Variants in SGO2 observed in about 807,000 individuals in gnomAD.
The protein encoded by SGO2 is shugoshin-like 2.
SGO2 carries 68 observed loss-of-function variants against 99.5 expected under a neutral mutation model. That is an observed-to-expected ratio of 0.68 (90% CI 0.56 to 0.84). The LOEUF (loss-of-function observed/expected upper bound fraction) is 0.84. Among genes scored for constraint, SGO2 ranks in the 40% least tolerant of loss-of-function variants. SGO2 has a pLI of 0.00. For missense variants in SGO2, 1,350 were observed against 1,436.7 expected (o/e 0.94, Z 0.97); for synonymous variants, 457 against 487.1 (o/e 0.94, Z 0.81).
intron 1 of SGO2, chr2:200,532,272 GT>G (rs58961852): frequency 0.49 from 92,133 of 187,516 alleles, 24,995 homozygotes; most frequent in Admixed American, 0.54. Flanking sequence ...AGAGTTTTTT[GT>G]TTTTTTTTTT....
chr2:200,528,128 G>A (rs1044743705), intron 1 of SGO2, among the ~76,000 whole-genome samples: 1 of 152,228 alleles, frequency 6.6e-6, no homozygotes, highest in African/African-American at 2.4e-5. Flanking sequence ...GATTAATTGG[G>A]GAAGAGAAGT....
In SGO2 at chr2:200,557,967, G is replaced by A. The variant is rs1340521180; in HGVS notation, c.474-11696G>A. 5.3e-5 allele frequency among the ~76,000 whole-genome samples: 8 copies of A among 150,960 alleles called. No individual in the cohort carries two copies. In the East Asian group the frequency reaches 9.8e-4, roughly 18 times the overall value. On this transcript the variant is annotated intron_variant, in intron 5 of 8. Coordinates refer to ENST00000357799, the MANE Select transcript of SGO2 (RefSeq NM_152524.6). Reference sequence around the variant, plus strand: ...CAACCTCTGCCTCCTGGGTTCAAGCGATTCTCCTGCCTCAGCCTCCTGAGT... The same window carrying A: ...CAACCTCTGCCTCCTGGGTTCAAGCAATTCTCCTGCCTCAGCCTCCTGAGT...
At chr2:200,541,344 G>A (rs1449260784) in intron 4 of SGO2, among the ~76,000 whole-genome samples, 1 of 152,092 alleles carries the variant, frequency 6.6e-6, no homozygotes, top group Non-Finnish European at 1.5e-5. Flanking sequence ...AGGCAACCAG[G>A]GACCTACCTC....
intron 4 of SGO2, among the ~76,000 whole-genome samples, chr2:200,539,971 C>T (rs842938): frequency 0.47 from 71,565 of 150,742 alleles, 16,916 homozygotes; most frequent in South Asian, 0.53. Context: ...GATTTCTTTC[C>T]CCCCTTTTTT....
chr2:200,569,962 G>T, intron 6 of SGO2, 70 bp downstream of exon 6: 1 of 1,018,462 alleles, frequency 9.8e-7, no homozygotes, highest in Non-Finnish European at 1.5e-6. Context: ...CTTCCTGAGG[G>T]CAATTATGTA....
Position 200,573,714 on chromosome 2 carries a change from A to G in SGO2, c.3368A>G (p.Lys1123Arg). The G allele has an allele frequency of 6.2e-7, 1 of 1,612,728 alleles. No individual in the cohort carries two copies. Among genetic ancestry groups the G allele is most frequent in the South Asian group, 1.1e-5 (1 of 90,768 alleles). The change falls in exon 7 of 9, where the codon AAA becomes AGA. Residue 1123 changes from lysine (K) to arginine (R), a missense_variant. Transcript: ENST00000357799. ...AAGGAAAACAATTTGGAGAATGAGA[A>G]AATGGTCAAAAATAAGCCAGACTTT... is the stretch of plus-strand genomic sequence containing the variant. ...ADKENNLENE[K>R]MVKNKPDFYT...
chr2:200,566,770 C>T (rs533596742), intron 5 of SGO2, among the ~76,000 whole-genome samples: 24 of 152,330 alleles, frequency 1.6e-4, no homozygotes, highest in South Asian at 6.2e-4. Context: ...TCAGCAATGG[C>T]GGGCACCCGT....
intron 8 of SGO2, chr2:200,576,086 C>G (rs944287573): frequency 9.9e-6 from 4 of 402,624 alleles, no homozygotes; most frequent in African/African-American, 8.5e-5. Context: ...CTTAGCAAAA[C>G]TAGACAACAA....
At chr2:200,575,516 T>A in intron 8 of SGO2, 55 bp downstream of exon 8, 1 of 1,375,494 alleles carries the variant, frequency 7.3e-7, no homozygotes, top group Non-Finnish European at 9.8e-7. Context: ...CTTAAAAAAA[T>A]TTCTGCCTGA....
At chr2:200,555,763 A>T (rs2032684767) in intron 5 of SGO2, among the ~76,000 whole-genome samples, 1 of 152,212 alleles carries the variant, frequency 6.6e-6, no homozygotes, top group Admixed American at 6.5e-5. Context: ...TAATGCAAAG[A>T]ATTTCTGATA....
chr2:200,583,528 AG>A lies in SGO2; in HGVS notation c.*65del, dbSNP rs1199181899. The A allele has an allele frequency of 1.4e-6, 2 of 1,420,232 alleles. No individual in the cohort carries two copies. Among genetic ancestry groups the A allele is most frequent in the African/African-American group, 2.9e-5 (2 of 69,022 alleles). 88.0% of individuals were successfully genotyped at this position (1,420,232 alleles called of 1,614,324 possible). ...GCATAAGGAATCAAAACAGAAATAT[AG>A]TATCAAGAAGATGAAATGCTTAATG... is the stretch of plus-strand genomic sequence containing the variant. On this transcript the variant is annotated 3_prime_UTR_variant, in exon 9 of 9. Transcript: ENST00000357799.
At chr2:200,548,692 A>G (rs939315498) in intron 5 of SGO2, among the ~76,000 whole-genome samples, 7 of 152,150 alleles carry the variant, frequency 4.6e-5, no homozygotes. Context: ...GATAAACAAC[A>G]TTGACAAACC....
At chr2:200,547,066 G>C (rs1332842399) in intron 5 of SGO2, among the ~76,000 whole-genome samples, 1 of 152,064 alleles carries the variant, frequency 6.6e-6, no homozygotes, top group Non-Finnish European at 1.5e-5. Context: ...ACAACTTCAA[G>C]GCATATAATA....
chr2:200,552,606 T>G (rs533817057), intron 5 of SGO2, among the ~76,000 whole-genome samples: 1 of 152,304 alleles, frequency 6.6e-6, no homozygotes, highest in East Asian at 1.9e-4. Flanking sequence ...TAAGGTAACT[T>G]CCTGACATTA....
At chr2:200,580,649 CAGGG>C in intron 8 of SGO2, 1 of 256,184 alleles carries the variant, frequency 3.9e-6, no homozygotes, top group Middle Eastern at 1.5e-3. Context: ...CTGGGCAACA[CAGGG>C]AGACGCTCAC....
chr2:200,581,005 T>C (rs1451136789), intron 8 of SGO2, among the ~76,000 whole-genome samples: 1 of 152,216 alleles, frequency 6.6e-6, no homozygotes, highest in Non-Finnish European at 1.5e-5. Flanking sequence ...TTTTAAAAAT[T>C]CCAGGTAGAT....
rs2033905703 is a variant in SGO2 at position 200,583,565 on chromosome 2, T to A, written c.*101T>A. 4 of 1,143,968 alleles carry A rather than the reference T, an allele frequency of 3.5e-6. No homozygotes were observed. In the Admixed American group the frequency reaches 1.0e-4, roughly 29 times the overall value. 70.9% of individuals were successfully genotyped at this position (1,143,968 alleles called of 1,614,324 possible). On this transcript the variant is annotated 3_prime_UTR_variant, in exon 9 of 9. Transcript: ENST00000357799. ...ATGAAATGCTTAATGAAAAGGTTTT[T>A]TTTTTGTTTCTTTGGCCTTTCATGG...
In SGO2 at chr2:200,570,303, G is replaced by C. The variant is rs2033349715; in HGVS notation, c.703+411G>C. On this transcript the variant is annotated intron_variant, in intron 6 of 8. Coordinates refer to ENST00000357799, the MANE Select transcript of SGO2 (RefSeq NM_152524.6). The surrounding 1 kb of genome is among the most constrained non-coding windows in gnomAD (Gnocchi z 4.4). Reference sequence around the variant, plus strand: ...AATGGTAAAGCAAAAACTTGAGTCTGGGTAATGGTTGAGCAAGAAAAAAGA... The same window carrying C: ...AATGGTAAAGCAAAAACTTGAGTCTCGGTAATGGTTGAGCAAGAAAAAAGA... Among the ~76,000 whole-genome samples the C allele has an allele frequency of 1.3e-5, 2 of 151,892 alleles. No homozygotes were observed.
chr2:200,539,212 G>A (rs2031843236), intron 4 of SGO2, among the ~76,000 whole-genome samples: 1 of 151,958 alleles, frequency 6.6e-6, no homozygotes, highest in Admixed American at 6.6e-5. Flanking sequence ...TTAGGAAAAT[G>A]TCTTTCTTTC....
Sources: allele counts gnomAD v4.1 joint callset (sites outside exome capture counted in the v4.1 genomes callset), GRCh38; gene constraint gnomAD v4.1.1; non-coding constraint Gnocchi (gnomAD v3.1); transcripts MANE v1.5; gene names NCBI Gene and HGNC (gene_info 2026-07-23, HGNC 2026-07-21).